The following LRBA variants were observed in gnomAD, a reference collection of about 807,000 sequenced individuals.
The protein encoded by LRBA is lipopolysaccharide-responsive and beige-like anchor protein.
In LRBA, 176 loss-of-function variants were observed where a neutral mutation model predicts 330.0. The observed-to-expected ratio is 0.53, with a 90% CI of 0.47 to 0.60. LRBA has a LOEUF of 0.60. Among genes scored for constraint, LRBA ranks in the 20% least tolerant of loss-of-function variants. The pLI is 0.00. For missense variants in LRBA, 3,259 were observed against 3,444.8 expected (o/e 0.95, Z 1.35); for synonymous variants, 1,230 against 1,193.0 (o/e 1.03, Z -0.64).
intron 28 of LRBA, chr4:150,840,395 A>T (rs920657959): frequency 3.3e-5 from 5 of 152,230 alleles, no homozygotes; most frequent in Non-Finnish European, 7.3e-5. Flanking sequence ...AAAGTGAGAG[A>T]CATGCAACTT....
At chr4:150,655,500 A>G (rs1780096962) in intron 37 of LRBA, among the ~76,000 whole-genome samples, 1 of 152,222 alleles carries the variant, frequency 6.6e-6, no homozygotes, top group South Asian at 2.1e-4. Context: ...AGGAATAAAT[A>G]AGTGCATATG....
At chr4:150,835,645 T>C (rs1449694578) in intron 28 of LRBA, among the ~76,000 whole-genome samples, 3 of 152,196 alleles carry the variant, frequency 2.0e-5, no homozygotes, top group Non-Finnish European at 4.4e-5. Context: ...TTTTGCACAT[T>C]GATTTTGTAT....
chr4:150,923,590 C>A (rs17027197), intron 4 of LRBA, among the ~76,000 whole-genome samples: 1 of 152,052 alleles, frequency 6.6e-6, no homozygotes, highest in Admixed American at 6.6e-5. Context: ...AAAGCTGCAA[C>A]GCTGAGTTTA....
rs779150358 is a variant in LRBA at position 150,828,285 on chromosome 4, G to A, written c.5066C>T (p.Pro1689Leu). 66 of 1,614,002 alleles carry A rather than the reference G, an allele frequency of 4.1e-5. No homozygotes were observed. The highest frequency in any genetic ancestry group is 4.4e-5 in the Non-Finnish European group (52 of 1,179,988). ...KDILRSLVNIPADGVTVDPAL... is the reference protein window; with the variant it reads ...KDILRSLVNILADGVTVDPAL... ...AGGATCCACTGTGACTCCATCTGCT[G>A]GTATGTTAACCAAGCTTCGGAGAAT... Residue 1689 changes from proline to leucine, a missense_variant, in exon 30 of 57, where the codon CCA (proline) becomes CTA (leucine). By Grantham distance (98) the Pro-to-Leu change is moderately conservative. Transcript: ENST00000651943.
At chr4:150,475,100 T>C (rs956798876) in intron 42 of LRBA, among the ~76,000 whole-genome samples, 2 of 152,254 alleles carry the variant, frequency 1.3e-5, no homozygotes, top group Admixed American at 1.3e-4. Flanking sequence ...CATATTTAAA[T>C]TAACTGGCAT....
chr4:150,650,649 C>CAGAT (rs1289857378), intron 37 of LRBA, among the ~76,000 whole-genome samples: 7 of 151,990 alleles, frequency 4.6e-5, no homozygotes, highest in African/African-American at 1.7e-4. Context: ...AGTTTCTGGT[C>CAGAT]AGATAGTAAA....
At chr4:150,385,291 A>C (rs1742897373) in intron 47 of LRBA, among the ~76,000 whole-genome samples, 1 of 152,210 alleles carries the variant, frequency 6.6e-6, no homozygotes, top group South Asian at 2.1e-4. Context: ...GCACAAAAAA[A>C]ACAAAAACAC....
intron 35 of LRBA, among the ~76,000 whole-genome samples, chr4:150,741,895 G>A (rs1227871721): frequency 5.9e-5 from 9 of 151,894 alleles, no homozygotes; most frequent in South Asian, 2.1e-4. Context: ...GGACTCACAC[G>A]GAACACTGAT....
chr4:150,961,151 T>C lies in LRBA; in HGVS notation c.217-32086A>G, dbSNP rs1455123330. Among the ~76,000 whole-genome samples, 2 of 149,196 alleles carry C rather than the reference T, an allele frequency of 1.3e-5. 1 individual carries two copies. Among genetic ancestry groups the C allele is most frequent in the African/African-American group, 5.2e-5 (2 of 38,622 alleles). ...TGTGGCTGTAGATGAGATTCAGCTG[T>C]GGGTGGCCTCAGCTCACCAACCACT... On this transcript the variant is annotated intron_variant, in intron 2 of 56. Transcript: ENST00000651943.
At chr4:150,912,994 A>G (rs1732180602) in intron 9 of LRBA, among the ~76,000 whole-genome samples, 1 of 152,186 alleles carries the variant, frequency 6.6e-6, no homozygotes, top group Non-Finnish European at 1.5e-5. Context: ...TAATTTCTAC[A>G]TTAAACATTT....
intron 36 of LRBA, among the ~76,000 whole-genome samples, chr4:150,706,547 C>T (rs1448868544): frequency 6.6e-6 from 1 of 150,542 alleles, no homozygotes; most frequent in Non-Finnish European, 1.5e-5. Context: ...TCTACCCTTC[C>T]AACTACCAAA....
At position 150,926,944 on chromosome 4, in the gene LRBA, G is replaced by A. The variant is rs182824191; in HGVS notation, c.549+1572C>T. ...AAGTTAGCCAGGCGTGGTGGTGTGC[G>A]CCTGTAATCCCAGCAACTCAGGAGG... On this transcript the variant is annotated intron_variant, in intron 4 of 56. Coordinates refer to ENST00000651943, the MANE Select transcript of LRBA (RefSeq NM_001364905.1). Among the ~76,000 whole-genome samples, 26 of 151,888 alleles carry A rather than the reference G, an allele frequency of 1.7e-4. 1 individual carries two copies. Among genetic ancestry groups the A allele is most frequent in the Admixed American group, 1.1e-3 (17 of 15,246 alleles).
At chr4:150,441,086 G>A (rs1260536494) in intron 44 of LRBA, among the ~76,000 whole-genome samples, 1 of 151,920 alleles carries the variant, frequency 6.6e-6, no homozygotes, top group Non-Finnish European at 1.5e-5. Context: ...CATATAAAGT[G>A]ATCAGTTCAG....
chr4:150,270,479 A>G (rs1468707482), intron 56 of LRBA, among the ~76,000 whole-genome samples: 1 of 152,232 alleles, frequency 6.6e-6, no homozygotes, highest in Non-Finnish European at 1.5e-5. Flanking sequence ...GAAGGTGCTT[A>G]GAAGAGGCAA....
In LRBA at chr4:150,622,036, A is replaced by G. The variant is rs79530607; in HGVS notation, c.5922-22905T>C. Among the ~76,000 whole-genome samples, 1,200 of 152,316 alleles carry G rather than the reference A, an allele frequency of 7.9e-3. 6 individuals carry two copies. The highest frequency in any genetic ancestry group is 0.012 in the Non-Finnish European group (842 of 68,010). On this transcript the variant is annotated intron_variant, in intron 37 of 56. Coordinates refer to ENST00000651943, the MANE Select transcript of LRBA (RefSeq NM_001364905.1). Reference sequence around the variant, plus strand: ...AAGGGTAAATTAAACTTTTGTAAGCATACAGGAAAGCAAGCAGCAGCATGT... The same window carrying G: ...AAGGGTAAATTAAACTTTTGTAAGCGTACAGGAAAGCAAGCAGCAGCATGT...
At chr4:150,878,918 T>C (rs1419415652) in intron 17 of LRBA, among the ~76,000 whole-genome samples, 1 of 151,324 alleles carries the variant, frequency 6.6e-6, no homozygotes, top group Non-Finnish European at 1.5e-5. Flanking sequence ...TGAGGTAAAT[T>C]CACTGCCAAA....
At chr4:150,496,846 A>T (rs2152112455) in intron 40 of LRBA, among the ~76,000 whole-genome samples, 1 of 152,212 alleles carries the variant, frequency 6.6e-6, no homozygotes, top group East Asian at 1.9e-4. Flanking sequence ...ATTTAACATC[A>T]GGAAAAATGT....
At chr4:150,861,596 G>A (rs2126959637) in intron 22 of LRBA, among the ~76,000 whole-genome samples, 1 of 152,320 alleles carries the variant, frequency 6.6e-6, no homozygotes, top group Non-Finnish European at 1.5e-5. Flanking sequence ...CAGTGAGTAA[G>A]TGGTGAGTAA....
chr4:150,499,103 G>A (rs894177181), intron 40 of LRBA, among the ~76,000 whole-genome samples: 1 of 152,020 alleles, frequency 6.6e-6, no homozygotes, highest in African/African-American at 2.4e-5. Context: ...TCCCCAAATG[G>A]TTTAACACTG....
Sources: gnomAD v4.1 joint callset for allele counts (sites outside exome capture counted in the v4.1 genomes callset) on GRCh38, gnomAD v4.1.1 for gene constraint, MANE v1.5 for transcripts, NCBI Gene and HGNC (gene_info 2026-07-23, HGNC 2026-07-21) for gene names.